Variants in SPHKAP observed in about 807,000 individuals in gnomAD.
SPHKAP encodes the protein SPHK1 interactor, AKAP domain containing.
In SPHKAP, 67 loss-of-function variants were observed where a neutral mutation model predicts 137.5. The ratio of observed to expected loss-of-function variants is 0.49; its 90% CI spans 0.40 to 0.60. The LOEUF is 0.60. SPHKAP is among the 20% of genes least tolerant of loss of function. The pLI, the probability that SPHKAP is intolerant of heterozygous loss-of-function variation, is 0.00. For missense variants in SPHKAP, 2,097 were observed against 2,069.3 expected (o/e 1.01, Z -0.26); for synonymous variants, 813 against 785.3 (o/e 1.04, Z -0.59).
intron 1 of SPHKAP, among the ~76,000 whole-genome samples, chr2:228,154,650 G>T (rs1419397886): frequency 7.4e-6 from 1 of 134,278 alleles, no homozygotes; most frequent in Non-Finnish European, 1.5e-5. Flanking sequence ...CCAGGTTCAC[G>T]CCATTCTCCT....
At chr2:228,155,155 G>A (rs909240347) in intron 1 of SPHKAP, among the ~76,000 whole-genome samples, 4 of 151,982 alleles carry the variant, frequency 2.6e-5, no homozygotes, top group East Asian at 3.9e-4. Context: ...ACCTGAGATG[G>A]GACCAGTACA....
At chr2:228,130,332 G>C (rs1699209895) in intron 2 of SPHKAP, among the ~76,000 whole-genome samples, 1 of 152,192 alleles carries the variant, frequency 6.6e-6, no homozygotes. Context: ...AGTAATATTA[G>C]TGATAGAGAT....
chr2:227,982,984 A>C (rs1336660661), intron 11 of SPHKAP, among the ~76,000 whole-genome samples: 2 of 152,186 alleles, frequency 1.3e-5, no homozygotes, highest in South Asian at 2.1e-4. Flanking sequence ...TACTTGGAGC[A>C]CTGGGAGAAA....
intron 3 of SPHKAP, among the ~76,000 whole-genome samples, chr2:228,050,800 C>A (rs1195121051): frequency 6.6e-6 from 1 of 151,916 alleles, no homozygotes; most frequent in Non-Finnish European, 1.5e-5. Flanking sequence ...TTCCCCCACT[C>A]CACCTTTATT....
At chr2:228,110,920 TATTTA>T (rs1330494206) in intron 2 of SPHKAP, among the ~76,000 whole-genome samples, 1 of 152,158 alleles carries the variant, frequency 6.6e-6, no homozygotes, top group Non-Finnish European at 1.5e-5. Flanking sequence ...AATTCTTATT[TATTTA>T]ATTTAAATTC....
At chr2:228,088,507 A>G (rs1253473934) in intron 3 of SPHKAP, among the ~76,000 whole-genome samples, 1 of 152,210 alleles carries the variant, frequency 6.6e-6, no homozygotes, top group East Asian at 1.9e-4. Context: ...GTTAAGCAGG[A>G]GTACAGGAAC....
At chr2:228,003,259 G>C (rs1032237873) in intron 7 of SPHKAP, among the ~76,000 whole-genome samples, 8 of 152,146 alleles carry the variant, frequency 5.3e-5, no homozygotes, top group Non-Finnish European at 1.0e-4. Context: ...GTGGTTTGTA[G>C]TTCTCCTTGA....
chr2:227,986,835 C>T (rs1286800184), intron 11 of SPHKAP, among the ~76,000 whole-genome samples: 1 of 152,118 alleles, frequency 6.6e-6, no homozygotes. Flanking sequence ...ATCAGCTACC[C>T]CAGCTCAGAG....
At chr2:228,068,448 A>C (rs971451293) in intron 3 of SPHKAP, among the ~76,000 whole-genome samples, 1 of 152,156 alleles carries the variant, frequency 6.6e-6, no homozygotes, top group Admixed American at 6.5e-5. Context: ...AAAGAACAAA[A>C]CTGGAGACAT....
chr2:228,086,823 T>C (rs951649823), intron 3 of SPHKAP, among the ~76,000 whole-genome samples: 2 of 152,076 alleles, frequency 1.3e-5, no homozygotes, highest in Admixed American at 6.6e-5. Flanking sequence ...TCAAAAACAA[T>C]AGCCCCAGTT....
At chr2:228,100,994 C>G (rs1462682268) in intron 3 of SPHKAP, among the ~76,000 whole-genome samples, 1 of 152,180 alleles carries the variant, frequency 6.6e-6, no homozygotes, top group Non-Finnish European at 1.5e-5. Context: ...GAGCTCAGCC[C>G]AAGCCGCTTT....
chr2:228,069,482 A>G (rs1696940517), intron 3 of SPHKAP, among the ~76,000 whole-genome samples: 1 of 132,462 alleles, frequency 7.5e-6, no homozygotes, highest in Non-Finnish European at 1.6e-5. Context: ...GGGGGGTCTC[A>G]CTCTGTTGCT....
At chr2:228,076,154 C>T (rs1373828662) in intron 3 of SPHKAP, among the ~76,000 whole-genome samples, 1 of 152,186 alleles carries the variant, frequency 6.6e-6, no homozygotes, top group Non-Finnish European at 1.5e-5. Flanking sequence ...TTGCCTTCTG[C>T]CATGATTATG....
chr2:228,040,591 A>G (rs1019882050), intron 3 of SPHKAP, among the ~76,000 whole-genome samples: 5 of 152,196 alleles, frequency 3.3e-5, no homozygotes, highest in African/African-American at 9.6e-5. Context: ...TATTGTCAGC[A>G]TTAAAAATAA....
intron 2 of SPHKAP, among the ~76,000 whole-genome samples, chr2:228,114,694 TCGAACA>T (rs1187367021): frequency 2.0e-4 from 31 of 152,164 alleles, no homozygotes; most frequent in African/African-American, 7.2e-4. Context: ...ATCTGTTTCA[TCGAACA>T]TTTTCTTGGC....
At chr2:228,062,050 G>T (rs1456994765) in intron 3 of SPHKAP, among the ~76,000 whole-genome samples, 1 of 151,960 alleles carries the variant, frequency 6.6e-6, no homozygotes, top group Non-Finnish European at 1.5e-5. Context: ...GAAACAATTG[G>T]ATGATTTCAT....
intron 3 of SPHKAP, among the ~76,000 whole-genome samples, chr2:228,043,959 C>G (rs1430296077): frequency 2.0e-5 from 3 of 152,022 alleles, no homozygotes; most frequent in African/African-American, 7.2e-5. Context: ...GTAATCTGAA[C>G]AGCTCAATTA....
At chr2:228,053,893 T>C (rs1290349540) in intron 3 of SPHKAP, among the ~76,000 whole-genome samples, 1 of 152,196 alleles carries the variant, frequency 6.6e-6, no homozygotes, top group Non-Finnish European at 1.5e-5. Context: ...ACATTGTTTG[T>C]TCTACTTTAA....
rs569980981 is a variant in SPHKAP, at chr2:228,046,077, C to G, written c.247-18534G>C. Among the ~76,000 whole-genome samples the G allele has an allele frequency of 5.3e-5, 8 of 152,102 alleles. No homozygotes were observed. In the East Asian group the frequency reaches 1.5e-3, roughly 29 times the overall value. On this transcript the variant is annotated intron_variant, in intron 3 of 11. Transcript: ENST00000392056. The stretch of plus-strand genomic sequence containing the variant: ...GATTTTAACTGCCTTCATCCCACCC[C>G]CTACACACACACACACATACGGTAA...
Sources: gnomAD v4.1 joint callset for allele counts (sites outside exome capture counted in the v4.1 genomes callset) on GRCh38, gnomAD v4.1.1 for gene constraint, MANE v1.5 for transcripts, NCBI Gene and HGNC (gene_info 2026-07-23, HGNC 2026-07-21) for gene names.